The following NBAS variants were observed in gnomAD, a reference collection of about 807,000 sequenced individuals.
The protein encoded by NBAS is NAG/BC035112 fusion.
NBAS carries 219 observed loss-of-function variants against 302.5 expected under a neutral mutation model. That is an observed-to-expected ratio of 0.72 (90% CI 0.65 to 0.81). The LOEUF is 0.81. Among genes scored for constraint, NBAS ranks in the 30% least tolerant of loss-of-function variants. The pLI, the probability that NBAS is intolerant of heterozygous loss-of-function variation, is 0.00. For synonymous variants in NBAS, 1,118 were observed against 1,021.6 expected, an observed-to-expected ratio of 1.09 and a Z score of -1.80; for missense variants, 2,932 against 2,841.6, an observed-to-expected ratio of 1.03 and a Z score of -0.72.
intron 41 of NBAS, among the ~76,000 whole-genome samples, chr2:15,287,715 C>T (rs1033395225): frequency 4.0e-5 from 6 of 151,110 alleles, no homozygotes; most frequent in Non-Finnish European, 8.8e-5. Context: ...CCCGCATAGG[C>T]ATCCCAGGAA....
At chr2:15,440,625 G>A (rs757221207) in intron 21 of NBAS, among the ~76,000 whole-genome samples, 2 of 152,204 alleles carry the variant, frequency 1.3e-5, no homozygotes, top group Non-Finnish European at 1.5e-5. Context: ...AAGGAACGCA[G>A]TTCCTCACCA....
the NBAS span, among the ~76,000 whole-genome samples, chr2:15,022,293 G>A: frequency 6.6e-6 from 1 of 152,176 alleles, no homozygotes; most frequent in African/African-American, 2.4e-5. Flanking sequence ...ATATTAAGTT[G>A]TCTTTCTCTT....
intron 42 of NBAS, among the ~76,000 whole-genome samples, chr2:15,281,511 A>C (rs1448108325): frequency 1.3e-5 from 2 of 152,240 alleles, no homozygotes; most frequent in Non-Finnish European, 2.9e-5. Flanking sequence ...TGGTAAATCT[A>C]GCCTGTTCCC....
intron 44 of NBAS, among the ~76,000 whole-genome samples, chr2:15,246,188 T>C (rs1668087914): frequency 6.6e-6 from 1 of 152,228 alleles, no homozygotes; most frequent in Non-Finnish European, 1.5e-5. Context: ...AACTAAAAAC[T>C]ATAGTTATCT....
intron 6 of NBAS, among the ~76,000 whole-genome samples, chr2:15,543,507 G>A (rs1663952351): frequency 6.6e-6 from 1 of 152,094 alleles, no homozygotes; most frequent in Non-Finnish European, 1.5e-5. Context: ...CTGAGACTGG[G>A]CAATTTACAA....
the NBAS span, among the ~76,000 whole-genome samples, chr2:14,913,276 A>G: frequency 6.6e-6 from 1 of 152,234 alleles, no homozygotes; most frequent in Admixed American, 6.5e-5. Context: ...CGACTTAAGC[A>G]TGGAGAGCTG....
At chr2:15,012,567 A>T in the NBAS span, among the ~76,000 whole-genome samples, 5 of 152,176 alleles carry the variant, frequency 3.3e-5, no homozygotes, top group East Asian at 7.7e-4. Context: ...AACTCAAAAA[A>T]GATTTAACCC....
intron 23 of NBAS, among the ~76,000 whole-genome samples, chr2:15,418,671 A>G (rs1052925038): frequency 6.6e-6 from 1 of 152,172 alleles, no homozygotes; most frequent in African/African-American, 2.4e-5. Flanking sequence ...TGGACTCTAA[A>G]GAATCAAAGG....
In NBAS at chr2:15,243,761, A is replaced by T. The variant is rs144614910; in HGVS notation, c.5725-5075T>A. ...GGGTATTACATGAAGTACTGTCCAG[A>T]TCGGAAGCAGGAGTGAAACAAAATA... On this transcript the variant is annotated intron_variant, in intron 44 of 51. Transcript: ENST00000281513. Among the ~76,000 whole-genome samples, 282 of 152,286 alleles carry T rather than the reference A, an allele frequency of 1.9e-3. 2 individuals carry two copies. The highest frequency in any genetic ancestry group is 6.3e-3 in the African/African-American group (263 of 41,550).
At chr2:15,351,932 A>T in intron 35 of NBAS, 60 bp downstream of exon 35, 1 of 1,252,544 alleles carries the variant, frequency 8.0e-7, no homozygotes, top group Non-Finnish European at 1.2e-6. Flanking sequence ...AAGGTTAGGT[A>T]ATCCCACTTT....
At chr2:15,029,333 A>C in the NBAS span, among the ~76,000 whole-genome samples, 4,334 of 152,300 alleles carry the variant, frequency 0.028, 169 homozygotes, top group East Asian at 0.11. Flanking sequence ...TCTCAGAACC[A>C]TAATTGCATT....
At chr2:14,905,867 T>G in the NBAS span, among the ~76,000 whole-genome samples, 4 of 152,174 alleles carry the variant, frequency 2.6e-5, no homozygotes, top group Non-Finnish European at 5.9e-5. Flanking sequence ...GCTTGTACAA[T>G]GCCCCATTCA....
At chr2:15,034,304 G>GAAAA in the NBAS span, among the ~76,000 whole-genome samples, 1 of 124,882 alleles carries the variant, frequency 8.0e-6, no homozygotes, top group African/African-American at 3.3e-5. Context: ...AAGAAAGAAA[G>GAAAA]ATGGAGAGAG....
At chr2:15,301,475 G>A (rs1423654900) in intron 40 of NBAS, among the ~76,000 whole-genome samples, 1 of 152,134 alleles carries the variant, frequency 6.6e-6, no homozygotes, top group Non-Finnish European at 1.5e-5. Context: ...ACCAAAAATG[G>A]GGGAAGAGTT....
the NBAS span, among the ~76,000 whole-genome samples, chr2:15,139,700 A>G: frequency 1.3e-5 from 2 of 152,160 alleles, no homozygotes; most frequent in Non-Finnish European, 2.9e-5. Context: ...CAAACTGAAC[A>G]AGGGTCCCTC....
At chr2:15,469,265 A>G (rs1247429049) in intron 16 of NBAS, among the ~76,000 whole-genome samples, 1 of 151,966 alleles carries the variant, frequency 6.6e-6, no homozygotes, top group Non-Finnish European at 1.5e-5. Context: ...GTTTGCTCTT[A>G]TTTCTCTAGT....
At chr2:14,990,001 A>C in the NBAS span, among the ~76,000 whole-genome samples, 13,369 of 151,992 alleles carry the variant, frequency 0.088, 1,527 homozygotes, top group African/African-American at 0.26. Context: ...TCAAAATTTT[A>C]CTCATTTATA....
chr2:14,949,820 C>A, the NBAS span, among the ~76,000 whole-genome samples: 1 of 152,048 alleles, frequency 6.6e-6, no homozygotes, highest in Non-Finnish European at 1.5e-5. Context: ...CATGTTCTCA[C>A]TCATATGTAA....
intron 41 of NBAS, 129 bp downstream of exon 41, chr2:15,292,408 G>T: frequency 1.1e-6 from 1 of 924,258 alleles, no homozygotes. Context: ...AGATGAAGTT[G>T]GGGAAAGCCC....
Sources: allele counts gnomAD v4.1 joint callset (sites outside exome capture counted in the v4.1 genomes callset), GRCh38; gene constraint gnomAD v4.1.1; transcripts MANE v1.5; gene names NCBI Gene and HGNC (gene_info 2026-07-23, HGNC 2026-07-21).